The following CCDC201 variants were observed in gnomAD, a reference collection of about 807,000 sequenced individuals.
CCDC201 encodes coiled-coil domain-containing protein 201.
chr7:45,882,641 C>T, the CCDC201 span, among the ~76,000 whole-genome samples: 2 of 152,276 alleles, frequency 1.3e-5, no homozygotes, highest in East Asian at 1.9e-4. Context: ...TGGCAGAGGC[C>T]GTGTGTGGCC....
intron 1 of CCDC201, among the ~76,000 whole-genome samples, chr7:45,870,592 G>C (rs551981242): frequency 1.1e-4 from 16 of 152,238 alleles, no homozygotes; most frequent in East Asian, 3.9e-4. Context: ...ACCAAAACTG[G>C]AAGTACAGTG....
At chr7:45,860,259 A>C (rs1786580800) in exon 3 of CCDC201, 1 of 152,224 alleles carries the variant, frequency 6.6e-6, no homozygotes, top group African/African-American at 2.4e-5. Flanking sequence ...TACATTGATC[A>C]GTTAGGGTGG....
chr7:45,881,184 A>G, the CCDC201 span, among the ~76,000 whole-genome samples: 1 of 152,080 alleles, frequency 6.6e-6, no homozygotes, highest in Non-Finnish European at 1.5e-5. Context: ...TCTTGGGGGA[A>G]TGAGATGCAT....
intron 2 of CCDC201, among the ~76,000 whole-genome samples, chr7:45,863,533 T>G (rs144990679): frequency 6.6e-6 from 1 of 152,182 alleles, no homozygotes; most frequent in East Asian, 1.9e-4. Flanking sequence ...TCAGTCTAGA[T>G]GGGATTTTGT....
chr7:45,876,272 C>T (rs1422433066), upstream of CCDC201, among the ~76,000 whole-genome samples: 1 of 152,208 alleles, frequency 6.6e-6, no homozygotes, highest in Non-Finnish European at 1.5e-5. Context: ...ACTACCATGA[C>T]AACCCTCTTA....
intron 2 of CCDC201, among the ~76,000 whole-genome samples, chr7:45,863,854 G>T (rs1562789086): frequency 1.3e-5 from 2 of 152,180 alleles, no homozygotes; most frequent in Non-Finnish European, 2.9e-5. Context: ...TAAGGAACGA[G>T]AGTGGCCTCC....
At chr7:45,863,750 T>C (rs1259560941) in intron 2 of CCDC201, among the ~76,000 whole-genome samples, 1 of 152,098 alleles carries the variant, frequency 6.6e-6, no homozygotes. Flanking sequence ...TGGGGTCCGC[T>C]GGCCAACAAT....
At chr7:45,870,123 C>T (rs747872735) in intron 1 of CCDC201, among the ~76,000 whole-genome samples, 1 of 152,172 alleles carries the variant, frequency 6.6e-6, no homozygotes, top group African/African-American at 2.4e-5. Flanking sequence ...AGCAGTTGCT[C>T]CACATTCTTA....
chr7:45,861,136 C>G (rs1427116483), exon 3 of CCDC201: 1 of 152,172 alleles, frequency 6.6e-6, no homozygotes, highest in Non-Finnish European at 1.5e-5. Context: ...AGAAACATAA[C>G]TACATGCCTG....
upstream of CCDC201, among the ~76,000 whole-genome samples, chr7:45,875,402 C>T (rs557857091): frequency 6.0e-5 from 8 of 132,302 alleles, no homozygotes; most frequent in Non-Finnish European, 1.2e-4. Flanking sequence ...GGCGGAGATA[C>T]GAGAATTGCT....
chr7:45,880,683 T>C, the CCDC201 span, among the ~76,000 whole-genome samples: 2 of 152,270 alleles, frequency 1.3e-5, no homozygotes, highest in Non-Finnish European at 2.9e-5. Context: ...TGCCTGGCCA[T>C]GTCGCAAAGT....
chr7:45,866,284 G>A (rs1179005321), exon 2 of CCDC201: 1 of 154,988 alleles, frequency 6.5e-6, no homozygotes, highest in African/African-American at 2.4e-5. Flanking sequence ...ACAGTGGCTG[G>A]AGGGCTGACC....
At chr7:45,883,988 TCTTTC>T in the CCDC201 span, among the ~76,000 whole-genome samples, 1 of 147,982 alleles carries the variant, frequency 6.8e-6, no homozygotes, top group East Asian at 2.1e-4. Flanking sequence ...TCTTTTCTTT[TCTTTC>T]TTTTTCTTTC....
chr7:45,877,746 G>T (rs573809410), upstream of CCDC201, among the ~76,000 whole-genome samples: 114 of 152,266 alleles, frequency 7.5e-4, 1 homozygote, highest in African/African-American at 2.5e-3. Context: ...GGAGATTTGG[G>T]TGGGGACACA....
intron 1 of CCDC201, among the ~76,000 whole-genome samples, chr7:45,869,120 G>A (rs915223652): frequency 2.6e-5 from 4 of 152,136 alleles, no homozygotes; most frequent in African/African-American, 7.2e-5. Context: ...TTTGAATGTG[G>A]CATAATGAGA....
the CCDC201 span, among the ~76,000 whole-genome samples, chr7:45,878,416 T>C: frequency 6.6e-6 from 1 of 152,242 alleles, no homozygotes; most frequent in African/African-American, 2.4e-5. Context: ...TGTAGCAGAC[T>C]TCTGCCTGGA....
the CCDC201 span, among the ~76,000 whole-genome samples, chr7:45,880,475 C>G: frequency 6.6e-6 from 1 of 152,110 alleles, no homozygotes; most frequent in African/African-American, 2.4e-5. Flanking sequence ...GATGGGCACA[C>G]TGTATGCAGG....
intron 2 of CCDC201, among the ~76,000 whole-genome samples, chr7:45,865,040 G>A (rs1050256422): frequency 1.3e-5 from 2 of 151,916 alleles, no homozygotes; most frequent in Non-Finnish European, 2.9e-5. Context: ...GCTTGGGCAG[G>A]TGGGAGTCAG....
chr7:45,867,022 T>C (rs1042089046), intron 1 of CCDC201, among the ~76,000 whole-genome samples: 4 of 152,206 alleles, frequency 2.6e-5, no homozygotes, highest in African/African-American at 9.7e-5. Context: ...AACAATTCCA[T>C]CACAGCCAAT....
Sources: gnomAD v4.1 joint callset for allele counts (sites outside exome capture counted in the v4.1 genomes callset) on GRCh38, gnomAD v4.1.1 for gene constraint, MANE v1.5 for transcripts, NCBI Gene and HGNC (gene_info 2026-07-23, HGNC 2026-07-21) for gene names.